The following FAM135B variants were observed in gnomAD, a reference collection of about 807,000 sequenced individuals.
The protein encoded by FAM135B is protein FAM135B.
Under a neutral mutation model 127.7 loss-of-function variants are expected in FAM135B, and 43 were observed. That is an observed-to-expected ratio of 0.34 (90% CI 0.26 to 0.43). FAM135B has a LOEUF of 0.43. Among genes scored for constraint, FAM135B ranks in the 20% least tolerant of loss-of-function variants. FAM135B has a pLI of 1.00. For synonymous variants in FAM135B, 670 were observed against 665.1 expected (o/e 1.01, Z -0.11); for missense variants, 1,558 against 1,725.6 (o/e 0.90, Z 1.72).
intron 1 of FAM135B, among the ~76,000 whole-genome samples, chr8:138,462,415 A>T (rs1345777135): frequency 2.0e-5 from 3 of 152,216 alleles, no homozygotes; most frequent in Non-Finnish European, 4.4e-5. Flanking sequence ...GTGTTCTGCT[A>T]TGAATGAAGT....
intron 18 of FAM135B, among the ~76,000 whole-genome samples, chr8:138,138,502 G>A (rs537977556): frequency 6.6e-6 from 1 of 152,352 alleles, no homozygotes; most frequent in South Asian, 2.1e-4. Context: ...TTCCCATGTA[G>A]CAGGTAGGGT....
rs1176238198 is a variant in FAM135B, at chr8:138,444,984, C to G, written c.-20+51687G>C. ...GATAAAGGGGATATCACCACCGATC[C>G]CACAGAAATACAAACTACCATCAGA... On this transcript the variant is annotated intron_variant, in intron 1 of 19. Transcript: ENST00000395297. Among the ~76,000 whole-genome samples, 22 of 152,184 alleles carry G rather than the reference C, an allele frequency of 1.4e-4. No individual in the cohort carries two copies. The East Asian group carries it at 2.9e-3, about 20-fold the overall frequency.
rs1816324183 is a variant in FAM135B at position 138,132,935 on chromosome 8, T to G, written c.4016-137A>C. 1.0e-5 allele frequency: 7 copies of G among 701,190 alleles called. No individual in the cohort carries two copies. The South Asian group carries it at 1.2e-4, about 12-fold the overall frequency. 43.4% of individuals were successfully genotyped at this position (701,190 alleles called of 1,614,324 possible). ...GCAGTTTCCAACCTCTTCCTAATGTTAGTGAAATTAATATGAAATAAAATC... is the reference window on the plus strand; with the variant it reads ...GCAGTTTCCAACCTCTTCCTAATGTGAGTGAAATTAATATGAAATAAAATC... On this transcript the variant is annotated intron_variant, in intron 19 of 19. Transcript: ENST00000395297. The surrounding 1 kb of genome is among the most constrained non-coding windows in gnomAD (Gnocchi z 4.5).
At chr8:138,143,171 C>T in intron 15 of FAM135B, 62 bp from the exon 16 acceptor site, 1 of 895,886 alleles carries the variant, frequency 1.1e-6, no homozygotes, top group Non-Finnish European at 1.9e-6. Context: ...GCTTTGTGCA[C>T]AGCCTGTGTT....
At chr8:138,264,380 A>G (rs918600837) in intron 4 of FAM135B, among the ~76,000 whole-genome samples, 2 of 152,222 alleles carry the variant, frequency 1.3e-5, no homozygotes, top group African/African-American at 2.4e-5. Flanking sequence ...AGTCTTGCAC[A>G]GCAGGACCAT....
chr8:138,370,564 C>T (rs1472840490), intron 1 of FAM135B, among the ~76,000 whole-genome samples: 1 of 152,064 alleles, frequency 6.6e-6, no homozygotes, highest in African/African-American at 2.4e-5. Flanking sequence ...CATTCTCCTG[C>T]CTCAGCCTCC....
At chr8:138,206,448 T>TACACACAATTCTATCATCCCCTCCAC (rs1817625608) in intron 7 of FAM135B, among the ~76,000 whole-genome samples, 1 of 59,606 alleles carries the variant, frequency 1.7e-5, no homozygotes, top group Non-Finnish European at 3.5e-5. Context: ...ATCCCCTCCA[T>TACACACAATTCTATCATCCCCTCCAC]CTACACACAA....
intron 17 of FAM135B, among the ~76,000 whole-genome samples, chr8:138,140,631 C>A (rs749815759): frequency 6.6e-5 from 9 of 135,360 alleles, no homozygotes; most frequent in Non-Finnish European, 1.6e-5. Flanking sequence ...CCTGTGTAAT[C>A]TTCAACAATT....
chr8:138,201,636 G>A (rs1354891178), intron 7 of FAM135B, among the ~76,000 whole-genome samples: 1 of 152,146 alleles, frequency 6.6e-6, no homozygotes, highest in Non-Finnish European at 1.5e-5. Context: ...TGCATGAAGA[G>A]CATTGAAAAA....
At chr8:138,183,144 A>AATGGCAAC (rs1563740388) in intron 9 of FAM135B, among the ~76,000 whole-genome samples, 1 of 152,174 alleles carries the variant, frequency 6.6e-6, no homozygotes. Flanking sequence ...TAAGAATAAC[A>AATGGCAAC]ATGGCAACAC....
intron 1 of FAM135B, among the ~76,000 whole-genome samples, chr8:138,395,511 C>T (rs1832798968): frequency 6.6e-6 from 1 of 152,204 alleles, no homozygotes; most frequent in East Asian, 1.9e-4. Context: ...TATCTCCTAA[C>T]ATCTCTGAGA....
At chr8:138,247,707 C>A (rs1166699083) in intron 6 of FAM135B, among the ~76,000 whole-genome samples, 1 of 152,204 alleles carries the variant, frequency 6.6e-6, no homozygotes, top group Non-Finnish European at 1.5e-5. Flanking sequence ...TCTGATGTAA[C>A]TTCCAGTCTA....
chr8:138,297,953 G>C (rs909153045), intron 3 of FAM135B, among the ~76,000 whole-genome samples: 1 of 152,124 alleles, frequency 6.6e-6, no homozygotes, highest in Non-Finnish European at 1.5e-5. Context: ...CAACACCACG[G>C]GCACAGAAGG....
At position 138,152,586 on chromosome 8, in the gene FAM135B, A is replaced by G. The variant is rs1454860866; in HGVS notation, c.1889T>C (p.Leu630Pro). The G allele has an allele frequency of 6.2e-7, 1 of 1,614,192 alleles. No individual in the cohort carries two copies. The highest frequency in any genetic ancestry group is 1.1e-5 in the South Asian group (1 of 91,090). The change falls in exon 13 of 20, where the codon CTG becomes CCG. Residue 630 changes from leucine to proline, a missense_variant. Physicochemically the swap from Leu to Pro is moderately conservative, Grantham distance 98. Coordinates refer to ENST00000395297, the MANE Select transcript of FAM135B (RefSeq NM_015912.4). ...AGAGGGGGTGAGTTTCAAGCTTAGC[A>G]GCACCATCTTCCCCTCTTGATCTAT... is the stretch of plus-strand genomic sequence containing the variant. The part of the protein sequence containing the change: ...KGIDQEGKMV[L>P]LSLKLTPSEP...
chr8:138,250,763 G>A (rs1374084029), intron 6 of FAM135B, 78 bp downstream of exon 6: 2 of 1,524,108 alleles, frequency 1.3e-6, no homozygotes, highest in African/African-American at 1.4e-5. Context: ...GATCTCTCCT[G>A]GAAAACTCCC....
intron 3 of FAM135B, among the ~76,000 whole-genome samples, chr8:138,296,061 G>A (rs1825458798): frequency 6.6e-6 from 1 of 152,192 alleles, no homozygotes; most frequent in Admixed American, 6.5e-5. Flanking sequence ...TGCTGCTAAT[G>A]AATGCTTTTT....
At chr8:138,247,389 G>A (rs1438134717) in intron 6 of FAM135B, among the ~76,000 whole-genome samples, 2 of 152,192 alleles carry the variant, frequency 1.3e-5, no homozygotes, top group Non-Finnish European at 2.9e-5. Flanking sequence ...CCTCCATGCT[G>A]TTCTTGTGAT....
At chr8:138,143,473 A>G (rs911896318) in intron 15 of FAM135B, among the ~76,000 whole-genome samples, 2 of 152,124 alleles carry the variant, frequency 1.3e-5, no homozygotes, top group African/African-American at 2.4e-5. Context: ...TTCACCTCAC[A>G]TGACCCAGCG....
At chr8:138,233,916 T>G (rs1338442701) in intron 7 of FAM135B, among the ~76,000 whole-genome samples, 1 of 152,048 alleles carries the variant, frequency 6.6e-6, no homozygotes, top group Admixed American at 6.6e-5. Flanking sequence ...AAATGGCAAA[T>G]GGGCATATGA....
Sources: gnomAD v4.1 joint callset for allele counts (sites outside exome capture counted in the v4.1 genomes callset) on GRCh38, gnomAD v4.1.1 for gene constraint, Gnocchi (gnomAD v3.1) non-coding constraint, MANE v1.5 for transcripts, NCBI Gene and HGNC (gene_info 2026-07-23, HGNC 2026-07-21) for gene names.